The following GRXCR1 variants were observed in gnomAD, a reference collection of about 807,000 sequenced individuals.
The protein encoded by GRXCR1 is glutaredoxin and cysteine rich domain containing 1.
A neutral mutation model predicts 27.3 loss-of-function variants in GRXCR1; 27 were observed. That is an observed-to-expected ratio of 0.99 (90% CI 0.73 to 1.37). GRXCR1 has a LOEUF of 1.37. Ranked by LOEUF, GRXCR1 falls within the 40% of genes most tolerant of loss-of-function variation. GRXCR1 has a pLI of 0.00. For missense variants in GRXCR1, 379 were observed against 354.4 expected, an observed-to-expected ratio of 1.07 and a Z score of -0.56; for synonymous variants, 122 against 131.1, an observed-to-expected ratio of 0.93 and a Z score of 0.47.
intron 2 of GRXCR1, among the ~76,000 whole-genome samples, chr4:42,987,219 A>AT (rs1188590323): frequency 5.5e-4 from 26 of 46,980 alleles, no homozygotes; most frequent in African/African-American, 1.2e-3. Context: ...TATTATATAT[A>AT]TATTATATAT....
At chr4:42,938,506 C>T (rs560490936) in intron 1 of GRXCR1, among the ~76,000 whole-genome samples, 1 of 152,020 alleles carries the variant, frequency 6.6e-6, no homozygotes, top group East Asian at 1.9e-4. Flanking sequence ...TTTTAAGGAA[C>T]CTCTACACTG....
chr4:42,894,132 TC>T (rs1211491351), intron 1 of GRXCR1, among the ~76,000 whole-genome samples: 5 of 152,078 alleles, frequency 3.3e-5, no homozygotes, highest in Non-Finnish European at 7.4e-5. Flanking sequence ...AACTTCGACT[TC>T]CTCCCATTCC....
chr4:42,988,251 A>G (rs1258415142), intron 2 of GRXCR1, among the ~76,000 whole-genome samples: 1 of 152,210 alleles, frequency 6.6e-6, no homozygotes, highest in East Asian at 1.9e-4. Flanking sequence ...ATATTTTCAG[A>G]TTTTTATAAT....
At chr4:42,961,865 T>C (rs539976093) in intron 1 of GRXCR1, among the ~76,000 whole-genome samples, 1 of 152,118 alleles carries the variant, frequency 6.6e-6, no homozygotes, top group Admixed American at 6.6e-5. Flanking sequence ...CTTTAGTATT[T>C]AGCTGTCCAG....
intron 1 of GRXCR1, among the ~76,000 whole-genome samples, chr4:42,950,678 G>A (rs935887732): frequency 6.6e-6 from 1 of 152,086 alleles, no homozygotes; most frequent in African/African-American, 2.4e-5. Context: ...TTAACAATGT[G>A]TCTTCATGTG....
intron 2 of GRXCR1, among the ~76,000 whole-genome samples, chr4:42,977,965 C>T (rs1432989344): frequency 6.6e-6 from 1 of 151,938 alleles, no homozygotes; most frequent in Non-Finnish European, 1.5e-5. Flanking sequence ...AATCCATTTT[C>T]AGTTGATTTT....
At chr4:42,996,107 ATTTC>A (rs543512266) in intron 2 of GRXCR1, among the ~76,000 whole-genome samples, 90 of 152,312 alleles carry the variant, frequency 5.9e-4, no homozygotes, top group South Asian at 3.7e-3. Context: ...AAAATTATAT[ATTTC>A]TTCAAGTATG....
chr4:42,938,334 T>C (rs1747507729), intron 1 of GRXCR1, among the ~76,000 whole-genome samples: 1 of 152,020 alleles, frequency 6.6e-6, no homozygotes, highest in African/African-American at 2.4e-5. Context: ...TCTCTGTTGA[T>C]GAACACAGTA....
In GRXCR1 at chr4:42,897,410, G is replaced by A. The variant is rs190157299; in HGVS notation, c.384+3760G>A. Among the ~76,000 whole-genome samples the A allele has an allele frequency of 3.3e-3, 494 of 151,910 alleles. 2 individuals are homozygous for A. Among genetic ancestry groups the A allele is most frequent in the Admixed American group, 5.7e-3 (86 of 15,216 alleles). On this transcript the variant is annotated intron_variant, in intron 1 of 3. Transcript: ENST00000399770. Reference sequence around the variant, plus strand: ...TTCCTTCTCCAAATTTAAAATTACTGTATTAGAGATAAATAGGTGCAAAGA... The same window carrying A: ...TTCCTTCTCCAAATTTAAAATTACTATATTAGAGATAAATAGGTGCAAAGA...
At chr4:43,027,759 T>G (rs991753894) in intron 3 of GRXCR1, among the ~76,000 whole-genome samples, 7 of 152,224 alleles carry the variant, frequency 4.6e-5, no homozygotes, top group Admixed American at 2.6e-4. Flanking sequence ...TAGTGTGCAC[T>G]GGTACAGCAG....
chr4:43,027,268 A>T (rs187794149), intron 3 of GRXCR1, among the ~76,000 whole-genome samples: 125 of 152,350 alleles, frequency 8.2e-4, no homozygotes, highest in African/African-American at 2.7e-3. Flanking sequence ...TGAAAGAGAG[A>T]TCTAATCACA....
At chr4:42,996,840 A>G (rs888371753) in intron 2 of GRXCR1, among the ~76,000 whole-genome samples, 5 of 151,952 alleles carry the variant, frequency 3.3e-5, no homozygotes, top group Non-Finnish European at 5.9e-5. Flanking sequence ...TTATATTAAT[A>G]AAAGACACGT....
rs111415587 is a variant in GRXCR1 at position 42,974,844 on chromosome 4, A to C, written c.627+11710A>C. Among the ~76,000 whole-genome samples the C allele has an allele frequency of 3.9e-3, 590 of 152,254 alleles. 2 individuals are homozygous for C. The highest frequency in any genetic ancestry group is 0.013 in the African/African-American group (554 of 41,554). ...AGCATAGAATTTAATTGAACACCAG[A>C]GTATAAGATATATTACAAGCCCTAT... is the stretch of plus-strand genomic sequence containing the variant. On this transcript the variant is annotated intron_variant, in intron 2 of 3. Coordinates refer to ENST00000399770, the MANE Select transcript of GRXCR1 (RefSeq NM_001080476.3).
At chr4:42,990,702 A>G (rs1312920884) in intron 2 of GRXCR1, among the ~76,000 whole-genome samples, 4 of 151,902 alleles carry the variant, frequency 2.6e-5, no homozygotes, top group Non-Finnish European at 5.9e-5. Context: ...TTGCATTGTC[A>G]TTAGACACTA....
chr4:42,911,753 T>C (rs1746726750), intron 1 of GRXCR1, among the ~76,000 whole-genome samples: 1 of 152,178 alleles, frequency 6.6e-6, no homozygotes, highest in Non-Finnish European at 1.5e-5. Context: ...ATGCTAGTAA[T>C]TATAACTAAT....
chr4:42,974,634 C>G (rs1472353142), intron 2 of GRXCR1, among the ~76,000 whole-genome samples: 2 of 152,078 alleles, frequency 1.3e-5, no homozygotes, highest in Admixed American at 1.3e-4. Flanking sequence ...TGGATCATAC[C>G]TCAATCCTGA....
intron 1 of GRXCR1, among the ~76,000 whole-genome samples, chr4:42,933,098 G>A (rs1006571223): frequency 1.3e-5 from 2 of 151,898 alleles, no homozygotes; most frequent in Non-Finnish European, 2.9e-5. Flanking sequence ...CATAGGTAAA[G>A]AGAATTAGGC....
At chr4:43,022,404 A>ATC (rs1311687909) in intron 3 of GRXCR1, among the ~76,000 whole-genome samples, 1 of 152,102 alleles carries the variant, frequency 6.6e-6, no homozygotes, top group Non-Finnish European at 1.5e-5. Context: ...ATGGTAGATA[A>ATC]TCTCTCTCTC....
At chr4:42,917,822 G>C (rs938192942) in intron 1 of GRXCR1, among the ~76,000 whole-genome samples, 1 of 152,038 alleles carries the variant, frequency 6.6e-6, no homozygotes, top group Non-Finnish European at 1.5e-5. Context: ...ATTAAAGTGA[G>C]AGAGGGAAGG....
Sources: allele counts gnomAD v4.1 joint callset (sites outside exome capture counted in the v4.1 genomes callset), GRCh38; gene constraint gnomAD v4.1.1; transcripts MANE v1.5; gene names NCBI Gene and HGNC (gene_info 2026-07-23, HGNC 2026-07-21).